The following FMNL2 variants were observed in gnomAD, a reference collection of about 807,000 sequenced individuals.
FMNL2 encodes the protein formin-like protein 2.
Under a neutral mutation model 130.2 loss-of-function variants are expected in FMNL2, and 51 were observed. The observed-to-expected ratio is 0.39, with a 90% CI of 0.31 to 0.49. The LOEUF (loss-of-function observed/expected upper bound fraction) is 0.49. FMNL2 is among the 20% of genes least tolerant of loss of function. FMNL2 has a pLI of 0.85. For synonymous variants in FMNL2, 465 were observed against 467.1 expected (o/e 1.00, Z 0.06); for missense variants, 977 against 1,316.2 (o/e 0.74, Z 3.99).
chr2:152,404,372 C>T (rs550792113), intron 1 of FMNL2, among the ~76,000 whole-genome samples: 5 of 152,214 alleles, frequency 3.3e-5, no homozygotes, highest in African/African-American at 1.2e-4. Context: ...GGTTCACAGG[C>T]ACTTAACAGA....
chr2:152,399,261 A>G (rs1685556644), intron 1 of FMNL2, among the ~76,000 whole-genome samples: 1 of 152,208 alleles, frequency 6.6e-6, no homozygotes, highest in South Asian at 2.1e-4. Context: ...GACTAATCCA[A>G]ATAAAAGTTG....
At chr2:152,626,485 A>G (rs1580129506) in intron 16 of FMNL2, 40 bp from the exon 17 acceptor site, 1 of 1,522,228 alleles carries the variant, frequency 6.6e-7, no homozygotes. Flanking sequence ...TCATTTTTAA[A>G]TATAATCCAA....
At chr2:152,516,825 C>T (rs547203025) in intron 1 of FMNL2, among the ~76,000 whole-genome samples, 36 of 152,144 alleles carry the variant, frequency 2.4e-4, no homozygotes, top group Non-Finnish European at 4.4e-4. Flanking sequence ...GTGGGTATAA[C>T]TTGAGATGTA....
chr2:152,477,077 G>A (rs1238528791), intron 1 of FMNL2, among the ~76,000 whole-genome samples: 1 of 152,140 alleles, frequency 6.6e-6, no homozygotes, highest in Non-Finnish European at 1.5e-5. Context: ...TAAACAAAAA[G>A]TATGGGAATC....
chr2:152,535,923 C>T lies in FMNL2; in HGVS notation c.202-6816C>T, dbSNP rs915702034. 3.9e-5 allele frequency among the ~76,000 whole-genome samples: 6 copies of T among 152,320 alleles called. 1 individual carries two copies. Among genetic ancestry groups the T allele is most frequent in the South Asian group, 4.1e-4 (2 of 4,820 alleles). On this transcript the variant is annotated intron_variant, in intron 2 of 25. Coordinates refer to ENST00000288670, the MANE Select transcript of FMNL2 (RefSeq NM_052905.4). ...CATACTTTCTGTAGATGGGGAAGTC[C>T]GCCAGCTACTCTGAAATTTCAGAAT...
chr2:152,626,014 T>C (rs1681759920), intron 16 of FMNL2, among the ~76,000 whole-genome samples: 1 of 150,788 alleles, frequency 6.6e-6, no homozygotes, highest in South Asian at 2.1e-4. Flanking sequence ...ACTTATTTTT[T>C]TATTTTATTT....
chr2:152,486,752 A>C (rs1175075799), intron 1 of FMNL2, among the ~76,000 whole-genome samples: 1 of 152,066 alleles, frequency 6.6e-6, no homozygotes, highest in African/African-American at 2.4e-5. Context: ...TTCTGGGGGG[A>C]AGAATAAATT....
At chr2:152,539,764 A>C (rs1480898183) in intron 2 of FMNL2, among the ~76,000 whole-genome samples, 2 of 152,190 alleles carry the variant, frequency 1.3e-5, no homozygotes, top group African/African-American at 4.8e-5. Context: ...CACAGTCCCA[A>C]ATAGGAAATG....
chr2:152,420,553 A>T lies in FMNL2; in HGVS notation c.117+84833A>T, dbSNP rs532943595. 2.1e-4 allele frequency among the ~76,000 whole-genome samples: 32 copies of T among 152,276 alleles called. No homozygotes were observed. In the South Asian group the frequency reaches 6.2e-3, roughly 30 times the overall value. On this transcript the variant is annotated intron_variant, in intron 1 of 25. Coordinates refer to ENST00000288670, the MANE Select transcript of FMNL2 (RefSeq NM_052905.4). Reference sequence around the variant, plus strand: ...ATCTTACAAGGCAGAAGTGACAAGGATGGTACTCAGCACTGGGGCATTGGG... The same window carrying T: ...ATCTTACAAGGCAGAAGTGACAAGGTTGGTACTCAGCACTGGGGCATTGGG...
chr2:152,611,415 T>C lies in FMNL2; in HGVS notation c.952-80T>C, dbSNP rs1255022340. 1.6e-5 allele frequency: 11 copies of C among 685,358 alleles called. No homozygotes were observed. The East Asian group carries it at 2.8e-4, about 17-fold the overall frequency. The allele number at this position is 685,358 out of a possible 1,614,324, so 42.5% of individuals were successfully genotyped here. ...GAAATCGGTAAGTGAGCCTTTTTTA[T>C]GAAATTGAAAGCACATGTCTGCAGT... On this transcript the variant is annotated intron_variant, in intron 10 of 25. Coordinates refer to ENST00000288670, the MANE Select transcript of FMNL2 (RefSeq NM_052905.4).
At chr2:152,505,107 G>A (rs986263661) in intron 1 of FMNL2, among the ~76,000 whole-genome samples, 5 of 151,986 alleles carry the variant, frequency 3.3e-5, no homozygotes, top group Non-Finnish European at 5.9e-5. Context: ...TCACACACGA[G>A]TCTGCTCATT....
In FMNL2 at chr2:152,477,791, T is replaced by C. The variant is rs139883703; in HGVS notation, c.118-44152T>C. Among the ~76,000 whole-genome samples, 568 of 152,294 alleles carry C rather than the reference T, an allele frequency of 3.7e-3. 2 individuals are homozygous for C. Among genetic ancestry groups the C allele is most frequent in the Non-Finnish European group, 5.6e-3 (380 of 68,018 alleles). On this transcript the variant is annotated intron_variant, in intron 1 of 25. Transcript: ENST00000288670. Reference sequence around the variant, plus strand: ...TGGTTTGGATTCTTTATAATTATGGTCTGACATGGTTCCAGTAAAGGTGTC... The same window carrying C: ...TGGTTTGGATTCTTTATAATTATGGCCTGACATGGTTCCAGTAAAGGTGTC...
chr2:152,374,247 A>G (rs1018003703), intron 1 of FMNL2, among the ~76,000 whole-genome samples: 3 of 152,222 alleles, frequency 2.0e-5, no homozygotes, highest in African/African-American at 7.2e-5. Context: ...AAGTGGAAGA[A>G]TAACCACTCT....
intron 2 of FMNL2, among the ~76,000 whole-genome samples, chr2:152,542,197 C>G (rs948611706): frequency 1.3e-5 from 2 of 152,150 alleles, no homozygotes; most frequent in Non-Finnish European, 2.9e-5. Flanking sequence ...TGTACCCATG[C>G]AAACATAACA....
intron 2 of FMNL2, among the ~76,000 whole-genome samples, chr2:152,535,636 C>A (rs1693957429): frequency 6.6e-6 from 1 of 152,150 alleles, no homozygotes; most frequent in African/African-American, 2.4e-5. Flanking sequence ...AACAGGGGAT[C>A]CAAACATGTT....
Position 152,578,169 on chromosome 2 carries a change from A to G in FMNL2, c.706-719A>G, listed in dbSNP as rs1198127952. ...GCCACAAATCTGTGTGGATAGATTG[A>G]TGTGGTATAGGAACTTCTGGATGTT... On this transcript the variant is annotated intron_variant, in intron 7 of 25. Transcript: ENST00000288670. Among the ~76,000 whole-genome samples, 4 of 152,078 alleles carry G rather than the reference A, an allele frequency of 2.6e-5. No individual in the cohort carries two copies. In the East Asian group the frequency reaches 7.7e-4, roughly 29 times the overall value.
In FMNL2 at chr2:152,614,835, C is replaced by G. The variant is rs754592232; in HGVS notation, c.1063-16C>G. The G allele has an allele frequency of 2.5e-6, 4 of 1,599,064 alleles. No homozygotes were observed. In the South Asian group the frequency reaches 4.5e-5, roughly 18 times the overall value. The stretch of plus-strand genomic sequence containing the variant: ...AGATGAGCTAACACCACGTTCTCTC[C>G]TATTCTGGTTTTTAGAAGCTGAAAC... On this transcript the variant is annotated splice_polypyrimidine_tract_variant and intron_variant, in intron 11 of 25. Transcript: ENST00000288670.
intron 1 of FMNL2, among the ~76,000 whole-genome samples, chr2:152,480,952 C>T (rs1355990003): frequency 1.3e-5 from 2 of 152,148 alleles, no homozygotes; most frequent in Non-Finnish European, 2.9e-5. Flanking sequence ...CTCTGTTAGG[C>T]ATAATTTCAG....
chr2:152,507,797 A>G (rs936332126), intron 1 of FMNL2, among the ~76,000 whole-genome samples: 2 of 151,808 alleles, frequency 1.3e-5, no homozygotes, highest in Non-Finnish European at 2.9e-5. Flanking sequence ...TTTTGTTCTC[A>G]TTTTCAAATA....
Sources: gnomAD v4.1 joint callset for allele counts (sites outside exome capture counted in the v4.1 genomes callset) on GRCh38, gnomAD v4.1.1 for gene constraint, MANE v1.5 for transcripts, NCBI Gene and HGNC (gene_info 2026-07-23, HGNC 2026-07-21) for gene names.